TIGIT: variants seen among roughly 807,000 people sequenced by gnomAD.
The protein encoded by TIGIT is T-cell immunoreceptor with Ig and ITIM domains.
TIGIT carries 11 observed loss-of-function variants against 19.6 expected under a neutral mutation model. The ratio of observed to expected loss-of-function variants is 0.56; its 90% CI spans 0.35 to 0.93. The LOEUF (loss-of-function observed/expected upper bound fraction) is 0.93, where lower values mean the gene tolerates loss of function less well. Ranked by LOEUF, TIGIT falls within the 40% of genes least tolerant of loss-of-function variation. The probability of loss-of-function intolerance (pLI) is 0.01; values close to 1 mark genes in which losing one functional copy is unlikely to be tolerated. For missense variants in TIGIT, 295 were observed against 303.9 expected, an observed-to-expected ratio of 0.97 and a Z score of 0.22; for synonymous variants, 130 against 125.5, an observed-to-expected ratio of 1.04 and a Z score of -0.24.
intron 3 of TIGIT, among the ~76,000 whole-genome samples, chr3:114,307,110 T>C (rs547502346): frequency 6.6e-6 from 1 of 152,204 alleles, no homozygotes; most frequent in East Asian, 1.9e-4. Flanking sequence ...AGTTGAACAT[T>C]AGCCTCCAGA....
intron 3 of TIGIT, among the ~76,000 whole-genome samples, chr3:114,305,347 A>G (rs2078525871): frequency 6.6e-6 from 1 of 152,206 alleles, no homozygotes; most frequent in South Asian, 2.1e-4. Context: ...TTCTAGGACT[A>G]TTCCCAGCAG....
chr3:114,307,593 A>T (rs2107956540), intron 3 of TIGIT: 1 of 319,640 alleles, frequency 3.1e-6, no homozygotes, highest in South Asian at 4.3e-5. Context: ...CGACAGAGTC[A>T]AGTGCAGTAA....
In TIGIT at chr3:114,309,621, T is replaced by G. The variant is rs1454865656; in HGVS notation, c.*1490T>G. 1 of 152,250 alleles carries G rather than the reference T, an allele frequency of 6.6e-6. No homozygotes were observed. The highest frequency in any genetic ancestry group is 1.9e-4 in the East Asian group (1 of 5,204). The allele number at this position is 152,250 out of a possible 1,614,324, so 9.4% of individuals were successfully genotyped here. ...AATGGGTTACATAGGAAGAATGAACTGAAATCTGTCCAGAGCTCCAAGTCC... is the reference window on the plus strand; with the variant it reads ...AATGGGTTACATAGGAAGAATGAACGGAAATCTGTCCAGAGCTCCAAGTCC... On this transcript the variant is annotated 3_prime_UTR_variant, in exon 4 of 4. Coordinates refer to ENST00000383671, the MANE Select transcript of TIGIT (RefSeq NM_173799.4).
chr3:114,304,186 T>C (rs969827965), intron 3 of TIGIT, among the ~76,000 whole-genome samples: 1 of 152,212 alleles, frequency 6.6e-6, no homozygotes, highest in Non-Finnish European at 1.5e-5. Flanking sequence ...AAATATTTTC[T>C]CCCAATCTGT....
Position 114,294,093 on chromosome 3 carries a change from A to G in TIGIT, c.32A>G (p.Gln11Arg). The change falls in exon 1 of 4, where the codon CAG (glutamine) becomes CGG (arginine). Residue 11 changes from glutamine to arginine, a missense_variant. Physicochemically the swap from Gln to Arg is conservative, Grantham distance 43. Transcript: ENST00000383671. MRWCLLLIWA[Q>R]GLRQAPLASG... is the part of the protein sequence containing the mutation. ...TGGTGTCTCCTCCTGATCTGGGCCC[A>G]GGGGCTGAGGCAGGCTCCCCTCGCC... The G allele has an allele frequency of 5.8e-6, 9 of 1,555,050 alleles. No homozygotes were observed. The highest frequency in any genetic ancestry group is 1.2e-5 in the South Asian group (1 of 84,320).
chr3:114,305,159 A>G (rs959424644), intron 3 of TIGIT, among the ~76,000 whole-genome samples: 8 of 86,642 alleles, frequency 9.2e-5, no homozygotes, highest in South Asian at 5.3e-4. Context: ...TGTTGACCCA[A>G]TTCCAGAGTT....
At chr3:114,296,637 A>G (rs868354095) in intron 2 of TIGIT, among the ~76,000 whole-genome samples, 1 of 152,256 alleles carries the variant, frequency 6.6e-6, no homozygotes, top group African/African-American at 2.4e-5. Context: ...TGCCTGGAAC[A>G]TGGTAAGTGC....
At chr3:114,295,934 C>A in intron 2 of TIGIT, 60 bp downstream of exon 2, 1 of 1,349,776 alleles carries the variant, frequency 7.4e-7, no homozygotes, top group Non-Finnish European at 1.0e-6. Context: ...AAAATGCAAT[C>A]CTGAAACACT....
Position 114,308,100 on chromosome 3 carries a change from G to A in TIGIT, c.704G>A (p.Gly235Asp), listed in dbSNP as rs1183814921. ...YFNVLSYRSL[G>D]NCSFFTETG ...AATGTCCTGAGTTACAGAAGCCTGG[G>A]TAACTGCAGCTTCTTCACAGAGACT... Residue 235 changes from glycine (G) to aspartate (D), a missense_variant, in exon 4 of 4, where the codon GGT becomes GAT. Coordinates refer to ENST00000383671, the MANE Select transcript of TIGIT (RefSeq NM_173799.4). The A allele has an allele frequency of 1.2e-6, 2 of 1,614,180 alleles. No individual in the cohort carries two copies. The highest frequency in any genetic ancestry group is 1.7e-6 in the Non-Finnish European group (2 of 1,180,032).
At position 114,299,518 on chromosome 3, in the gene TIGIT, C is replaced by T. The variant is rs543673313; in HGVS notation, c.392-79C>T. The T allele has an allele frequency of 6.8e-4, 754 of 1,104,628 alleles. 15 individuals are homozygous for T. The South Asian group carries it at 7.8e-3, about 11-fold the overall frequency. 68.4% of individuals were successfully genotyped at this position (1,104,628 alleles called of 1,614,324 possible). On this transcript the variant is annotated intron_variant, in intron 2 of 3. Transcript: ENST00000383671. ...GCTTGGCCAATCCTCCCCTCTCTGCCGTGAAGCTCAGGCTGCCCTGGGGAA... is the reference window on the plus strand; with the variant it reads ...GCTTGGCCAATCCTCCCCTCTCTGCTGTGAAGCTCAGGCTGCCCTGGGGAA...
intron 3 of TIGIT, among the ~76,000 whole-genome samples, chr3:114,304,485 G>T (rs1449462216): frequency 6.6e-6 from 1 of 152,166 alleles, no homozygotes; most frequent in Non-Finnish European, 1.5e-5. Flanking sequence ...CCTTGTGAGG[G>T]TGTTAAATAT....
At position 114,309,898 on chromosome 3, in the gene TIGIT, A is replaced by G. The variant is rs961730272; in HGVS notation, c.*1767A>G. ...TAATTGGGAAACATTTATAAACACT[A>G]TTGGGATGGTGATAAAATACAAAAG... is the stretch of plus-strand genomic sequence containing the variant. On this transcript the variant is annotated 3_prime_UTR_variant, in exon 4 of 4. Transcript: ENST00000383671. The G allele has an allele frequency of 1.3e-5, 2 of 152,212 alleles. No individual in the cohort carries two copies. The highest frequency in any genetic ancestry group is 2.9e-5 in the Non-Finnish European group (2 of 68,034). The allele number at this position is 152,212 out of a possible 1,614,324, so 9.4% of individuals were successfully genotyped here.
rs187488656 is a variant in TIGIT at position 114,308,095 on chromosome 3, C to G, written c.699C>G (p.Ser233Arg). Residue 233 changes from serine to arginine, a missense_variant, in exon 4 of 4, where the codon AGC becomes AGG. By Grantham distance (110) the Ser-to-Arg change is moderately radical. Coordinates refer to ENST00000383671, the MANE Select transcript of TIGIT (RefSeq NM_173799.4). ...HDYFNVLSYR[S>R]LGNCSFFTET... ...ACTTCAATGTCCTGAGTTACAGAAG[C>G]CTGGGTAACTGCAGCTTCTTCACAG... 16 of 1,614,194 alleles carry G rather than the reference C, an allele frequency of 9.9e-6. No homozygotes were observed. Among genetic ancestry groups the G allele is most frequent in the African/African-American group, 1.3e-5 (1 of 75,048 alleles).
At chr3:114,307,752 T>C in intron 3 of TIGIT, 143 bp from the exon 4 acceptor site, 1 of 747,108 alleles carries the variant, frequency 1.3e-6, no homozygotes, top group Non-Finnish European at 2.2e-6. Flanking sequence ...GTTGAGAAAT[T>C]AAGGGCTAAG....
At chr3:114,299,836 G>A in intron 3 of TIGIT, 133 bp downstream of exon 3, 1 of 623,010 alleles carries the variant, frequency 1.6e-6, no homozygotes, top group South Asian at 1.9e-5. Flanking sequence ...CTTTTTCCTG[G>A]CATTTGTTCT....
intron 3 of TIGIT, among the ~76,000 whole-genome samples, chr3:114,305,876 A>G (rs972477367): frequency 3.9e-5 from 5 of 128,708 alleles, no homozygotes; most frequent in Admixed American, 1.5e-4. Context: ...ATAGATAGAT[A>G]GATAGATAGA....
At chr3:114,296,874 C>T (rs1481189893) in intron 2 of TIGIT, among the ~76,000 whole-genome samples, 1 of 147,292 alleles carries the variant, frequency 6.8e-6, no homozygotes, top group Non-Finnish European at 1.5e-5. Flanking sequence ...TTAAAGTTTC[C>T]TTTCAAATGT....
At chr3:114,299,775 T>G in intron 3 of TIGIT, 72 bp downstream of exon 3, 1 of 986,472 alleles carries the variant, frequency 1.0e-6, no homozygotes, top group Non-Finnish European at 1.6e-6. Context: ...TCAGGTTCTC[T>G]TTCCACCCAG....
At chr3:114,302,036 G>A (rs1485072990) in intron 3 of TIGIT, among the ~76,000 whole-genome samples, 2 of 152,192 alleles carry the variant, frequency 1.3e-5, no homozygotes, top group African/African-American at 4.8e-5. Flanking sequence ...GGTAGGGGAG[G>A]GGCTAATTAT....
Sources: allele counts gnomAD v4.1 joint callset (sites outside exome capture counted in the v4.1 genomes callset), GRCh38; gene constraint gnomAD v4.1.1; transcripts MANE v1.5; gene names NCBI Gene and HGNC (gene_info 2026-07-23, HGNC 2026-07-21).